The following RDH12 variants were observed in gnomAD, a reference collection of about 807,000 sequenced individuals.
RDH12 encodes the protein retinol dehydrogenase 12.
In RDH12, 21 loss-of-function variants were observed where a neutral mutation model predicts 34.0. The observed-to-expected ratio is 0.62, with a 90% CI of 0.44 to 0.89. RDH12 has a LOEUF of 0.89. Among genes scored for constraint, RDH12 ranks in the 40% least tolerant of loss-of-function variants. The pLI, the probability that RDH12 is intolerant of heterozygous loss-of-function variation, is 0.00. For missense variants in RDH12, 394 were observed against 398.6 expected, an observed-to-expected ratio of 0.99 and a Z score of 0.10; for synonymous variants, 198 against 169.9, an observed-to-expected ratio of 1.17 and a Z score of -1.29.
intron 6 of RDH12, among the ~76,000 whole-genome samples, chr14:67,726,604 G>T (rs1175001228): frequency 6.6e-6 from 1 of 152,162 alleles, no homozygotes; most frequent in Non-Finnish European, 1.5e-5. Context: ...AGGGAGGAGA[G>T]CATGGAGCAT....
Position 67,727,006 on chromosome 14 carries a change from C to A in RDH12, c.474C>A (p.Leu158=). 6.2e-7 allele frequency: 1 copy of A among 1,613,074 alleles called. No individual in the cohort carries two copies. The highest frequency in any genetic ancestry group is 1.9e-4 in the Middle Eastern group (1 of 5,172). ...HLGHFLLTYL[L]LERLKVSAPA... ...GCCACTTCCTCCTCACCTACCTGCT[C>A]CTGGAGCGGCTAAAGGTGTCTGCCC... Residue 158 remains leucine (L), a synonymous_variant, in exon 7 of 9, where the codon CTC becomes CTA. Coordinates refer to ENST00000551171, the MANE Select transcript of RDH12 (RefSeq NM_152443.3).
intron 1 of RDH12, chr14:67,714,547 G>T: frequency 6.2e-6 from 1 of 161,424 alleles, no homozygotes; most frequent in South Asian, 1.6e-4. Context: ...TCTCCAAAAT[G>T]AGGAACACTA....
chr14:67,712,341 TA>T (rs2038017525), intron 1 of RDH12, among the ~76,000 whole-genome samples: 2 of 152,220 alleles, frequency 1.3e-5, no homozygotes, highest in South Asian at 4.2e-4. Flanking sequence ...ATAGTGCACT[TA>T]AAAATTTTGT....
At chr14:67,709,038 G>A (rs538963828) in intron 1 of RDH12, among the ~76,000 whole-genome samples, 3 of 152,222 alleles carry the variant, frequency 2.0e-5, no homozygotes, top group Admixed American at 6.5e-5. Context: ...TGATCCGCTG[G>A]CCTTGGCTTC....
rs1169800936 is a variant in RDH12 at position 67,733,858 on chromosome 14, G to A, written c.*10G>A. 6.3e-7 allele frequency: 1 copy of A among 1,592,694 alleles called. No individual in the cohort carries two copies. The highest frequency in any genetic ancestry group is 1.1e-5 in the South Asian group (1 of 90,546). ...AATCCGGTGGGAGTAGCTGGTGGAA[G>A]AGCTGCAGCTTTATCAGGCCCAATC... On this transcript the variant is annotated 3_prime_UTR_variant, in exon 9 of 9. Transcript: ENST00000551171.
At chr14:67,726,853 T>C in intron 6 of RDH12, 128 bp from the exon 7 acceptor site, 1 of 766,078 alleles carries the variant, frequency 1.3e-6, no homozygotes, top group South Asian at 1.5e-5. Context: ...CCATTAGAGT[T>C]ACTCATGGCA....
At chr14:67,725,968 G>A (rs1013883959) in intron 5 of RDH12, 83 bp from the exon 6 acceptor site, 1 of 928,556 alleles carries the variant, frequency 1.1e-6, no homozygotes, top group Middle Eastern at 2.1e-4. Context: ...ATGAACAAAG[G>A]GAAAGGGCAA....
chr14:67,732,117 ACT>A (rs1448361225), intron 8 of RDH12, among the ~76,000 whole-genome samples: 15 of 131,154 alleles, frequency 1.1e-4, no homozygotes, highest in African/African-American at 4.1e-4. Context: ...ACAGAATGAG[ACT>A]CTGTCTCAAA....
chr14:67,710,088 C>T (rs558486990), intron 1 of RDH12, among the ~76,000 whole-genome samples: 1 of 152,202 alleles, frequency 6.6e-6, no homozygotes, highest in Admixed American at 6.5e-5. Flanking sequence ...AGTTGTTCCA[C>T]CTTTCCAGAC....
chr14:67,713,931 A>G (rs2038039528), intron 1 of RDH12, among the ~76,000 whole-genome samples: 1 of 152,188 alleles, frequency 6.6e-6, no homozygotes. Context: ...TAGCCTTTTC[A>G]AAGAGGCAAC....
intron 1 of RDH12, among the ~76,000 whole-genome samples, chr14:67,704,703 A>T (rs969179302): frequency 6.6e-6 from 1 of 152,226 alleles, no homozygotes; most frequent in African/African-American, 2.4e-5. Flanking sequence ...GTCTCACCCC[A>T]AATCACCAGG....
intron 7 of RDH12, chr14:67,727,529 C>A: frequency 3.0e-6 from 1 of 334,018 alleles, no homozygotes; most frequent in East Asian, 8.3e-5. Context: ...GTCGCCCAGG[C>A]TGGAGTGCAG....
At chr14:67,727,735 GC>G (rs1291823889) in intron 7 of RDH12, 1 of 178,398 alleles carries the variant, frequency 5.6e-6, no homozygotes, top group African/African-American at 2.4e-5. Flanking sequence ...GGCAGAAGAG[GC>G]CTTTGGTAAC....
At chr14:67,730,194 C>T (rs1056057134) in intron 8 of RDH12, among the ~76,000 whole-genome samples, 14 of 152,238 alleles carry the variant, frequency 9.2e-5, no homozygotes, top group East Asian at 1.9e-4. Context: ...GAAACTGAGG[C>T]GCAAGATAAT....
At chr14:67,703,958 G>A (rs946994639) in intron 1 of RDH12, among the ~76,000 whole-genome samples, 68 of 152,268 alleles carry the variant, frequency 4.5e-4, no homozygotes, top group African/African-American at 1.6e-3. Context: ...GATTACAGGC[G>A]TGAGCCACTG....
intron 1 of RDH12, among the ~76,000 whole-genome samples, chr14:67,708,276 G>T (rs2037971330): frequency 6.6e-6 from 1 of 152,162 alleles, no homozygotes; most frequent in African/African-American, 2.4e-5. Flanking sequence ...TATTACTTTA[G>T]TCTTCTATCA....
chr14:67,724,591 GGTAA>G lies in RDH12; in HGVS notation c.187+3_187+6del. On this transcript the variant is annotated splice_donor_variant and splice_donor_region_variant and intron_variant, in intron 4 of 8. Coordinates refer to ENST00000551171, the MANE Select transcript of RDH12 (RefSeq NM_152443.3). LOFTEE classifies it high-confidence loss of function. ...GACGGCCAGAGAGCTCGCTAGCCGA[GGTAA>G]GTGTTTCCCCTTTAGTCTCCAAAGG... The G allele has an allele frequency of 1.2e-6, 2 of 1,609,998 alleles. No individual in the cohort carries two copies. Among genetic ancestry groups the G allele is most frequent in the Non-Finnish European group, 1.7e-6 (2 of 1,176,482 alleles).
rs1385392095 is a variant in RDH12, at chr14:67,717,829, C to G, written c.-274-3019C>G. On this transcript the variant is annotated intron_variant, in intron 1 of 8. Transcript: ENST00000551171. Reference sequence around the variant, plus strand: ...CTATAATCCCAGCACTTTGAGAGACCAAGGTGGAAGGATCACACGAGCCTA... The same window carrying G: ...CTATAATCCCAGCACTTTGAGAGACGAAGGTGGAAGGATCACACGAGCCTA... The G allele has an allele frequency of 3.3e-5, 5 of 152,248 alleles. No homozygotes were observed. The East Asian group carries it at 9.6e-4, about 29-fold the overall frequency. The allele number at this position is 152,248 out of a possible 1,614,324, so 9.4% of individuals were successfully genotyped here.
At chr14:67,729,502 G>A in intron 8 of RDH12, 122 bp downstream of exon 8, 3 of 939,322 alleles carry the variant, frequency 3.2e-6, no homozygotes, top group South Asian at 2.7e-5. Flanking sequence ...TTTGGGTTGG[G>A]CCTGCAAACA....
Sources: allele counts gnomAD v4.1 joint callset (sites outside exome capture counted in the v4.1 genomes callset), GRCh38; gene constraint gnomAD v4.1.1; transcripts MANE v1.5; gene names NCBI Gene and HGNC (gene_info 2026-07-23, HGNC 2026-07-21).